The following SMARCAL1 variants were observed in gnomAD, a reference collection of about 807,000 sequenced individuals.
SMARCAL1 encodes the protein ATP-driven annealing helicase.
A neutral mutation model predicts 94.5 loss-of-function variants in SMARCAL1; 58 were observed. The observed-to-expected ratio is 0.61, with a 90% CI of 0.50 to 0.76. The LOEUF (loss-of-function observed/expected upper bound fraction) is 0.76. SMARCAL1 is among the 30% of genes least tolerant of loss of function. The pLI is 0.00. For synonymous variants in SMARCAL1, 422 were observed against 455.1 expected (o/e 0.93, Z 0.93); for missense variants, 1,051 against 1,177.9 (o/e 0.89, Z 1.58).
chr2:216,464,361 A>G (rs568353123), intron 12 of SMARCAL1, among the ~76,000 whole-genome samples: 25 of 152,278 alleles, frequency 1.6e-4, no homozygotes, highest in East Asian at 7.7e-4. Context: ...GATTCTTGCA[A>G]TGGTTCTTGG....
chr2:216,416,041 A>G, intron 3 of SMARCAL1: 1 of 519,728 alleles, frequency 1.9e-6, no homozygotes, highest in Non-Finnish European at 3.6e-6. Context: ...TGAAGTTCAT[A>G]ACTTCCCAGG....
Position 216,450,853 on chromosome 2 carries a change from G to C in SMARCAL1, c.1859G>C (p.Trp620Ser). The change falls in exon 12 of 18, where the codon TGG becomes TCG. Residue 620 changes from tryptophan (W) to serine (S), a missense_variant. By Grantham distance (177) the Trp-to-Ser change is radical. Transcript: ENST00000357276. The stretch of plus-strand genomic sequence containing the variant: ...CTGTCTTGTTCTCTGCAGATGCCTT[G>C]GGGGTGGGACTACTCAGGTTCCTCC... ...LRYCDAKRMP[W>S]GWDYSGSSNL... 6.2e-7 allele frequency: 1 copy of C among 1,613,468 alleles called. No individual in the cohort carries two copies. The highest frequency in any genetic ancestry group is 8.5e-7 in the Non-Finnish European group (1 of 1,179,612).
intron 10 of SMARCAL1, 117 bp downstream of exon 10, chr2:216,438,602 C>A: frequency 1.2e-6 from 1 of 822,396 alleles, no homozygotes; most frequent in Non-Finnish European, 2.0e-6. Context: ...GGGCCATGGT[C>A]ATGACTTGGC....
At chr2:216,420,252 A>G in intron 4 of SMARCAL1, 47 bp from the exon 5 acceptor site, 1 of 1,491,386 alleles carries the variant, frequency 6.7e-7, no homozygotes, top group Non-Finnish European at 9.3e-7. Flanking sequence ...AAGCCACATC[A>G]TAGTCCCCTG....
rs978339577 is a variant in SMARCAL1, at chr2:216,435,455, T to G, written c.1603T>G (p.Leu535Val). 5 of 1,614,186 alleles carry G rather than the reference T, an allele frequency of 3.1e-6. No individual in the cohort carries two copies. The highest frequency in any genetic ancestry group is 4.5e-5 in the East Asian group (2 of 44,884). ...NIVSFDLLSK[L>V]EKQLKTPFKV... ...TGTCAGCTTTGACCTTCTTAGCAAG[T>G]TGGAAAAACAGCTAAAAACCCCTTT... The change falls in exon 9 of 18, where the codon TTG becomes GTG. Residue 535 changes from leucine to valine, a missense_variant. Coordinates refer to ENST00000357276, the MANE Select transcript of SMARCAL1 (RefSeq NM_014140.4).
At chr2:216,470,823 C>T (rs1256804619) in intron 14 of SMARCAL1, among the ~76,000 whole-genome samples, 1 of 103,618 alleles carries the variant, frequency 9.7e-6, no homozygotes, top group African/African-American at 4.0e-5. Context: ...TATACTGTTA[C>T]TCCCAAGAAC....
chr2:216,443,283 C>T (rs1694238051), intron 10 of SMARCAL1, among the ~76,000 whole-genome samples: 1 of 140,882 alleles, frequency 7.1e-6, no homozygotes, highest in South Asian at 2.3e-4. Flanking sequence ...AGGAGGGTCA[C>T]TTAAACCTGG....
intron 10 of SMARCAL1, among the ~76,000 whole-genome samples, chr2:216,443,892 C>T (rs537426210): frequency 1.1e-3 from 161 of 152,178 alleles, no homozygotes; most frequent in Non-Finnish European, 2.1e-3. Flanking sequence ...TCTCCCTCCC[C>T]GACTCCAAGC....
At chr2:216,449,457 C>T (rs930602223) in intron 11 of SMARCAL1, among the ~76,000 whole-genome samples, 7 of 152,008 alleles carry the variant, frequency 4.6e-5, no homozygotes, top group African/African-American at 1.5e-4. Flanking sequence ...GAACCTCATG[C>T]TGAGCTCATT....
chr2:216,436,937 C>T (rs887450765), intron 9 of SMARCAL1, among the ~76,000 whole-genome samples: 9 of 152,222 alleles, frequency 5.9e-5, no homozygotes, highest in African/African-American at 1.9e-4. Flanking sequence ...AGCTGGGTTG[C>T]GTCTGCCTTC....
chr2:216,432,719 T>C lies in SMARCAL1; in HGVS notation c.1336T>C (p.Phe446Leu). ...LMPFQRAGVN[F>L]AIAKGGRLLL... ...CATCCTCACCTTGTCTGCCTTCAGTTTTGCCATAGCCAAAGGAGGCCGCCT... is the reference window on the plus strand; with the variant it reads ...CATCCTCACCTTGTCTGCCTTCAGTCTTGCCATAGCCAAAGGAGGCCGCCT... Residue 446 changes from phenylalanine (F) to leucine (L), a missense_variant and splice_region_variant, in exon 8 of 18, where the codon TTT becomes CTT. Physicochemically the swap from Phe to Leu is conservative, Grantham distance 22 (BLOSUM62 0). Transcript: ENST00000357276. The C allele has an allele frequency of 6.2e-7, 1 of 1,614,066 alleles. No individual in the cohort carries two copies. The highest frequency in any genetic ancestry group is 8.5e-7 in the Non-Finnish European group (1 of 1,180,012).
At chr2:216,438,543 A>C in intron 10 of SMARCAL1, 58 bp downstream of exon 10, 1 of 1,483,516 alleles carries the variant, frequency 6.7e-7, no homozygotes, top group Non-Finnish European at 9.4e-7. Context: ...TATTTTGCTC[A>C]GGCTTGCATG....
chr2:216,465,284 C>A (rs1404338709), intron 13 of SMARCAL1, among the ~76,000 whole-genome samples: 8 of 152,122 alleles, frequency 5.3e-5, no homozygotes. Context: ...GCCAAGTAGG[C>A]TGGAGCTGCT....
chr2:216,469,279 C>CTT (rs71054477), intron 14 of SMARCAL1, among the ~76,000 whole-genome samples: 39 of 102,960 alleles, frequency 3.8e-4, no homozygotes, highest in Middle Eastern at 5.6e-3. Flanking sequence ...TTAGAGATTT[C>CTT]TTTTTTTTTT....
At position 216,457,406 on chromosome 2, in the gene SMARCAL1, G is replaced by A. The variant is rs189869880; in HGVS notation, c.2070+6342G>A. Among the ~76,000 whole-genome samples the A allele has an allele frequency of 3.8e-4, 58 of 152,200 alleles. No individual in the cohort carries two copies. The East Asian group carries it at 8.3e-3, about 22-fold the overall frequency. ...TATACATTCTTCTCAGCACCACACCGTACTTATTCCAAAATTGACCACATA... is the reference window on the plus strand; with the variant it reads ...TATACATTCTTCTCAGCACCACACCATACTTATTCCAAAATTGACCACATA... On this transcript the variant is annotated intron_variant, in intron 12 of 17. Coordinates refer to ENST00000357276, the MANE Select transcript of SMARCAL1 (RefSeq NM_014140.4).
chr2:216,460,723 T>TA (rs1456092041), intron 12 of SMARCAL1, among the ~76,000 whole-genome samples: 1 of 147,580 alleles, frequency 6.8e-6, no homozygotes, highest in East Asian at 2.1e-4. Context: ...CATTAGGAGA[T>TA]ATACCTAATG....
chr2:216,455,034 C>T (rs1694532761), intron 12 of SMARCAL1, among the ~76,000 whole-genome samples: 2 of 152,256 alleles, frequency 1.3e-5, no homozygotes, highest in African/African-American at 4.8e-5. Context: ...TCTTAGCAAA[C>T]TGCACACCAG....
rs1574443312 is a variant in SMARCAL1 at position 216,415,112 on chromosome 2, A to G, written c.408A>G (p.Gln136=). 1.2e-6 allele frequency: 2 copies of G among 1,613,814 alleles called. No individual in the cohort carries two copies. Among genetic ancestry groups the G allele is most frequent in the Non-Finnish European group, 1.7e-6 (2 of 1,179,820 alleles). The change falls in exon 3 of 18, where the codon CAA becomes CAG. Residue 136 remains glutamine (Q), a synonymous_variant. Coordinates refer to ENST00000357276, the MANE Select transcript of SMARCAL1 (RefSeq NM_014140.4). ...LAQSPPEVPK[Q]QLLSYELGQG... is the part of the protein sequence containing the mutation. Reference sequence around the variant, plus strand: ...AAAGTCCTCCAGAGGTCCCTAAACAACAGCTCTTGAGTTATGAGTTAGGTC... The same window carrying G: ...AAAGTCCTCCAGAGGTCCCTAAACAGCAGCTCTTGAGTTATGAGTTAGGTC...
rs1288231534 is a variant in SMARCAL1, at chr2:216,415,484, A to G, written c.780A>G (p.Ala260=). ...VLIGYNAELI[A]VFKTLPSKNY... ...TTGGGTACAATGCGGAACTCATTGCAGTGTTTAAGACCCTGCCCAGCAAGA... is the reference window on the plus strand; with the variant it reads ...TTGGGTACAATGCGGAACTCATTGCGGTGTTTAAGACCCTGCCCAGCAAGA... The change falls in exon 3 of 18, where the codon GCA becomes GCG. Residue 260 remains alanine (A), a synonymous_variant. Coordinates refer to ENST00000357276, the MANE Select transcript of SMARCAL1 (RefSeq NM_014140.4). 1.2e-6 allele frequency: 2 copies of G among 1,613,426 alleles called. No individual in the cohort carries two copies. Among genetic ancestry groups the G allele is most frequent in the East Asian group, 2.2e-5 (1 of 44,874 alleles).
Sources: gnomAD v4.1 joint callset for allele counts (sites outside exome capture counted in the v4.1 genomes callset) on GRCh38, gnomAD v4.1.1 for gene constraint, MANE v1.5 for transcripts, NCBI Gene and HGNC (gene_info 2026-07-23, HGNC 2026-07-21) for gene names.